SLC44A3: variants seen among roughly 807,000 people sequenced by gnomAD.
The protein encoded by SLC44A3 is choline transporter-like protein 3.
SLC44A3 carries 74 observed loss-of-function variants against 75.4 expected under a neutral mutation model. That is an observed-to-expected ratio of 0.98 (90% CI 0.81 to 1.19). The LOEUF is 1.19. SLC44A3 is among the 50% of genes most tolerant of loss of function. The probability of loss-of-function intolerance (pLI) is 0.00; values close to 1 mark genes in which losing one functional copy is unlikely to be tolerated. For missense variants in SLC44A3, 700 were observed against 778.6 expected (o/e 0.90, Z 1.20); for synonymous variants, 310 against 296.9 (o/e 1.04, Z -0.45).
intron 12 of SLC44A3, among the ~76,000 whole-genome samples, chr1:94,883,337 C>T (rs1326984291): frequency 6.6e-6 from 1 of 152,058 alleles, no homozygotes; most frequent in African/African-American, 2.4e-5. Flanking sequence ...CCCATCTGTA[C>T]AAAAAACTAC....
chr1:94,886,455 C>T (rs1379099782), intron 12 of SLC44A3, among the ~76,000 whole-genome samples: 1 of 152,144 alleles, frequency 6.6e-6, no homozygotes, highest in Non-Finnish European at 1.5e-5. Flanking sequence ...TGCTGGGGCC[C>T]CCCAGTAGCC....
intron 9 of SLC44A3, among the ~76,000 whole-genome samples, chr1:94,853,074 T>C (rs1157241174): frequency 6.6e-6 from 1 of 152,062 alleles, no homozygotes; most frequent in East Asian, 1.9e-4. Flanking sequence ...TGAATGTAGA[T>C]AGAGAAGGGA....
chr1:94,839,520 C>A (rs1252191785), intron 6 of SLC44A3, among the ~76,000 whole-genome samples: 1 of 152,100 alleles, frequency 6.6e-6, no homozygotes, highest in Non-Finnish European at 1.5e-5. Flanking sequence ...TCCCGAGTAG[C>A]TGGGATTACA....
chr1:94,861,255 T>C (rs1221495371), intron 10 of SLC44A3, among the ~76,000 whole-genome samples: 11 of 152,100 alleles, frequency 7.2e-5, no homozygotes, highest in Admixed American at 5.2e-4. Context: ...TGTGAGGAGA[T>C]TGGGGGAGTT....
At chr1:94,880,378 T>G (rs1668813988) in intron 12 of SLC44A3, among the ~76,000 whole-genome samples, 2 of 152,246 alleles carry the variant, frequency 1.3e-5, no homozygotes, top group Non-Finnish European at 2.9e-5. Context: ...AAGGAAATCC[T>G]GTCATATGCT....
At chr1:94,860,530 G>T (rs926593140) in intron 10 of SLC44A3, among the ~76,000 whole-genome samples, 3 of 152,106 alleles carry the variant, frequency 2.0e-5, no homozygotes, top group African/African-American at 7.2e-5. Context: ...GAAGCTTCCC[G>T]AGGGAAAAAA....
chr1:94,820,665 G>T (rs1660432853), intron 1 of SLC44A3, 187 bp downstream of exon 1: 2 of 1,384,376 alleles, frequency 1.4e-6, no homozygotes, highest in Non-Finnish European at 1.9e-6. Context: ...TGGGGCGGAG[G>T]CGGGGGAGAC....
chr1:94,882,850 C>T (rs1435090231), intron 12 of SLC44A3, among the ~76,000 whole-genome samples: 2 of 150,070 alleles, frequency 1.3e-5, no homozygotes, highest in Non-Finnish European at 3.0e-5. Context: ...CACAGCCTGT[C>T]GAGATTGCCA....
intron 12 of SLC44A3, among the ~76,000 whole-genome samples, chr1:94,870,267 G>C (rs991313063): frequency 1.3e-5 from 2 of 152,206 alleles, no homozygotes; most frequent in Non-Finnish European, 2.9e-5. Context: ...TTCTACCTGG[G>C]CATAATAGGG....
At chr1:94,851,069 G>A (rs1665156132) in intron 9 of SLC44A3, among the ~76,000 whole-genome samples, 1 of 151,940 alleles carries the variant, frequency 6.6e-6, no homozygotes, top group Non-Finnish European at 1.5e-5. Flanking sequence ...CCATACCTTT[G>A]CTCCTGCTGG....
intron 9 of SLC44A3, among the ~76,000 whole-genome samples, chr1:94,854,595 A>T (rs1449946780): frequency 1.3e-5 from 2 of 152,228 alleles, no homozygotes; most frequent in Non-Finnish European, 2.9e-5. Flanking sequence ...TGTGTGCCTA[A>T]GCACGTCTAC....
chr1:94,884,114 A>G (rs572181583), intron 12 of SLC44A3, among the ~76,000 whole-genome samples: 5 of 152,306 alleles, frequency 3.3e-5, no homozygotes, highest in African/African-American at 9.6e-5. Context: ...GAGCAAACAA[A>G]ATAGCACGAC....
intron 5 of SLC44A3, 61 bp downstream of exon 5, chr1:94,828,647 A>C: frequency 7.0e-7 from 1 of 1,430,098 alleles, no homozygotes; most frequent in Non-Finnish European, 9.8e-7. Flanking sequence ...CTTGGTGTGC[A>C]TCTGTTACTC....
At chr1:94,872,424 AATCACTTT>A (rs1667859647) in intron 12 of SLC44A3, among the ~76,000 whole-genome samples, 1 of 147,920 alleles carries the variant, frequency 6.8e-6, no homozygotes, top group East Asian at 1.9e-4. Context: ...TTTTTTTTTA[AATCACTTT>A]AAGCATTGCA....
At chr1:94,826,036 A>G (rs1456897648) in intron 3 of SLC44A3, 1 of 403,298 alleles carries the variant, frequency 2.5e-6, no homozygotes, top group Non-Finnish European at 5.1e-6. Flanking sequence ...TGTGATATGT[A>G]TATTACAATG....
Position 94,845,456 on chromosome 1 carries a change from G to A in SLC44A3, c.1064G>A (p.Gly355Glu), listed in dbSNP as rs763356572. Residue 355 changes from glycine (G) to glutamate (E), a missense_variant, in exon 9 of 15, where the codon GGA becomes GAA. By Grantham distance (98) the Gly-to-Glu change is moderately conservative. Transcript: ENST00000271227. ...TGGGTGGCTGTGCTGCTGAGCCTGG[G>A]AACTGCAGGTAAGGGACAGTGGGTG... ...VLWVAVLLSLGTAGAAQVMEG... is the reference protein window; with the variant it reads ...VLWVAVLLSLETAGAAQVMEG... 6.2e-7 allele frequency: 1 copy of A among 1,610,266 alleles called. No homozygotes were observed. Among genetic ancestry groups the A allele is most frequent in the Admixed American group, 1.7e-5 (1 of 59,808 alleles).
chr1:94,847,597 G>A (rs756256942), intron 9 of SLC44A3, among the ~76,000 whole-genome samples: 5 of 152,202 alleles, frequency 3.3e-5, no homozygotes, highest in Admixed American at 6.5e-5. Flanking sequence ...TTCCTCTAGC[G>A]AGCTTGAAGT....
chr1:94,876,686 G>A (rs1668326454), intron 12 of SLC44A3, among the ~76,000 whole-genome samples: 2 of 152,206 alleles, frequency 1.3e-5, no homozygotes, highest in African/African-American at 2.4e-5. Context: ...CACCACCTGA[G>A]TCTCATCTTT....
chr1:94,863,094 G>C (rs139548074), intron 10 of SLC44A3, among the ~76,000 whole-genome samples: 162 of 152,226 alleles, frequency 1.1e-3, no homozygotes, highest in African/African-American at 3.6e-3. Flanking sequence ...GCTGTTTCTA[G>C]TTTTGAGGGC....
Sources: gnomAD v4.1 joint callset for allele counts (sites outside exome capture counted in the v4.1 genomes callset) on GRCh38, gnomAD v4.1.1 for gene constraint, MANE v1.5 for transcripts, NCBI Gene and HGNC (gene_info 2026-07-23, HGNC 2026-07-21) for gene names.